The following GPN1 variants were observed in gnomAD, a reference collection of about 807,000 sequenced individuals.
GPN1 encodes GPN-loop GTPase 1, also known as ATP(GTP)-binding protein.
In GPN1, 44 loss-of-function variants were observed where a neutral mutation model predicts 55.9. The ratio of observed to expected loss-of-function variants is 0.79; its 90% CI spans 0.62 to 1.01. GPN1 has a LOEUF of 1.01. Ranked by LOEUF, GPN1 falls within the 50% of genes least tolerant of loss-of-function variation. The pLI is 0.00. For missense variants in GPN1, 466 were observed against 462.8 expected (o/e 1.01, Z -0.06); for synonymous variants, 179 against 162.5 (o/e 1.10, Z -0.77).
In GPN1 at chr2:27,650,598, C is replaced by T. The variant is rs887624241; in HGVS notation, c.*398C>T. ...GCTAGATGTATAGCCTCTACTCCCC[C>T]AGCTTCTTGCTCTTGACCCTGCACT... On this transcript the variant is annotated 3_prime_UTR_variant, in exon 14 of 14. Coordinates refer to ENST00000610189, the MANE Select transcript of GPN1 (RefSeq NM_007266.4). The T allele has an allele frequency of 6.4e-6, 1 of 156,144 alleles. No individual in the cohort carries two copies. Among genetic ancestry groups the T allele is most frequent in the African/African-American group, 2.4e-5 (1 of 41,470 alleles). The allele number at this position is 156,144 out of a possible 1,614,324, so 9.7% of individuals were successfully genotyped here.
intron 1 of GPN1, chr2:27,629,424 A>G: frequency 1.3e-6 from 2 of 1,549,840 alleles, no homozygotes; most frequent in Non-Finnish European, 1.7e-6. Context: ...TCTTGCTGAT[A>G]AAATTGCGTT....
intron 12 of GPN1, among the ~76,000 whole-genome samples, chr2:27,645,497 T>G (rs772191145): frequency 2.6e-5 from 4 of 152,154 alleles, no homozygotes; most frequent in Non-Finnish European, 5.9e-5. Context: ...TACATTATAT[T>G]CATAATTAAT....
intron 1 of GPN1, among the ~76,000 whole-genome samples, chr2:27,629,610 G>C (rs1002890420): frequency 6.6e-6 from 1 of 152,150 alleles, no homozygotes; most frequent in Non-Finnish European, 1.5e-5. Context: ...GGAGGAGATA[G>C]AGAAAACCCA....
intron 5 of GPN1, among the ~76,000 whole-genome samples, chr2:27,633,445 A>G (rs535681350): frequency 6.6e-6 from 1 of 152,150 alleles, no homozygotes; most frequent in South Asian, 2.1e-4. Flanking sequence ...AGCTGGGACT[A>G]CAGGTGTGAG....
chr2:27,638,384 T>C (rs1244953228), intron 8 of GPN1, 129 bp downstream of exon 8: 21 of 607,458 alleles, frequency 3.5e-5, no homozygotes. Flanking sequence ...AACAAATTCA[T>C]AGGCACTTCG....
upstream of GPN1, chr2:27,628,966 C>T: frequency 6.3e-7 from 1 of 1,579,170 alleles, no homozygotes; most frequent in Admixed American, 1.8e-5. Flanking sequence ...CTTTCTGACG[C>T]TGTGGTGGTT....
intron 9 of GPN1, among the ~76,000 whole-genome samples, chr2:27,639,543 G>C (rs1292566034): frequency 2.0e-5 from 3 of 151,904 alleles, no homozygotes; most frequent in Admixed American, 1.3e-4. Flanking sequence ...TTGGAGAGAG[G>C]ATCTTGCTTT....
chr2:27,634,861 C>T lies in GPN1; in HGVS notation c.366C>T (p.Asp122=), dbSNP rs764803052. ...CTTGACATAGATATGTGTTGATTGA[C>T]ACACCTGGACAGATTGAGGTATTCA... The part of the protein sequence containing the change: ...AQNMSKYVLI[D]TPGQIEVFTW... Residue 122 remains aspartate, a synonymous_variant, in exon 6 of 14, where the codon GAC becomes GAT. Transcript: ENST00000610189. The T allele has an allele frequency of 6.3e-7, 1 of 1,579,762 alleles. No homozygotes were observed. Among genetic ancestry groups the T allele is most frequent in the Non-Finnish European group, 8.7e-7 (1 of 1,148,698 alleles).
intron 4 of GPN1, among the ~76,000 whole-genome samples, chr2:27,632,238 A>G (rs567710448): frequency 2.0e-4 from 31 of 152,188 alleles, no homozygotes; most frequent in Non-Finnish European, 4.0e-4. Flanking sequence ...GGGGCATTTT[A>G]CTTGTGATAA....
intron 12 of GPN1, among the ~76,000 whole-genome samples, 183 bp from the exon 13 acceptor site, chr2:27,647,653 C>A (rs568500140): frequency 6.6e-6 from 1 of 152,314 alleles, no homozygotes; most frequent in Admixed American, 6.5e-5. Flanking sequence ...TATGAAAGCA[C>A]TTTGTGAACT....
At chr2:27,641,198 G>C (rs1673933645) in intron 10 of GPN1, 42 bp from the exon 11 acceptor site, 5 of 1,389,488 alleles carry the variant, frequency 3.6e-6, no homozygotes, top group African/African-American at 1.4e-5. Context: ...CAGTAGGATA[G>C]AGGATTAAGC....
chr2:27,647,556 A>G (rs981017777), intron 12 of GPN1, among the ~76,000 whole-genome samples: 2 of 152,216 alleles, frequency 1.3e-5, no homozygotes, highest in Non-Finnish European at 2.9e-5. Flanking sequence ...TGAGCCAGTA[A>G]AAAAGAATGA....
intron 7 of GPN1, 39 bp from the exon 8 acceptor site, chr2:27,638,171 T>C (rs750617782): frequency 1.7e-6 from 2 of 1,151,376 alleles, no homozygotes; most frequent in Admixed American, 3.4e-5. Flanking sequence ...CAAGAGCTTA[T>C]GTGCTTTTAC....
At chr2:27,641,451 T>C (rs1673946664) in intron 11 of GPN1, among the ~76,000 whole-genome samples, 172 bp downstream of exon 11, 1 of 152,238 alleles carries the variant, frequency 6.6e-6, no homozygotes, top group South Asian at 2.1e-4. Context: ...TCAGTGTATC[T>C]TCTAAATACT....
intron 1 of GPN1, chr2:27,629,439 G>T: frequency 6.5e-7 from 1 of 1,541,252 alleles, no homozygotes; most frequent in Non-Finnish European, 8.8e-7. Flanking sequence ...TGCGTTTCTC[G>T]GAGGCAAGTT....
intron 9 of GPN1, among the ~76,000 whole-genome samples, chr2:27,639,483 G>A (rs552802945): frequency 1.3e-5 from 2 of 152,212 alleles, no homozygotes; most frequent in East Asian, 3.9e-4. Context: ...TAGATAATAA[G>A]TCCTGTTAAT....
intron 12 of GPN1, among the ~76,000 whole-genome samples, chr2:27,647,463 C>CT (rs551658000): frequency 5.3e-5 from 8 of 152,322 alleles, no homozygotes; most frequent in African/African-American, 1.9e-4. Context: ...GCACTCCACA[C>CT]TTTCACTGTG....
At position 27,650,200 on chromosome 2, in the gene GPN1, G is replaced by A; in HGVS notation, c.1125G>A (p.Ter375=). The A allele has an allele frequency of 6.4e-7, 1 of 1,555,696 alleles. No homozygotes were observed. The highest frequency in any genetic ancestry group is 8.9e-7 in the Non-Finnish European group (1 of 1,127,206). The change falls in exon 14 of 14, where the codon TAG becomes TAA. Residue 375 remains the stop codon, a stop_retained_variant. Transcript: ENST00000610189. ...AATACTGGAAGAGAAACAATAAATA[G>A]GAGACTTTAGCACACTTCACTTGTT... ...MAQYWKRNNK[*]
At position 27,635,183 on chromosome 2, in the gene GPN1, C is replaced by A; in HGVS notation, c.473C>A (p.Ser158Ter). ...PTVVIYVMDT[S>*]RSTNPVTFMS... ...GTTGTCATCTATGTAATGGACACAT[C>A]GAGAAGTACCAACCCAGTGACCTTC... Residue 158 changes from serine (S) to a stop codon, truncating the protein, a stop_gained, in exon 7 of 14, where the codon TCG (serine) becomes TAG (stop). Transcript: ENST00000610189. LOFTEE classifies it high-confidence loss of function. 6.2e-7 allele frequency: 1 copy of A among 1,605,220 alleles called. No individual in the cohort carries two copies. The highest frequency in any genetic ancestry group is 8.5e-7 in the Non-Finnish European group (1 of 1,172,514).
Sources: gnomAD v4.1 joint callset for allele counts (sites outside exome capture counted in the v4.1 genomes callset) on GRCh38, gnomAD v4.1.1 for gene constraint, MANE v1.5 for transcripts, NCBI Gene and HGNC (gene_info 2026-07-23, HGNC 2026-07-21) for gene names.